Variants in PACSIN2 observed in about 807,000 individuals in gnomAD.
PACSIN2 encodes protein kinase C and casein kinase substrate in neurons 2.
In PACSIN2, 25 loss-of-function variants were observed where a neutral mutation model predicts 63.8. The observed-to-expected ratio is 0.39, with a 90% confidence interval of 0.29 to 0.55. The LOEUF (loss-of-function observed/expected upper bound fraction) is 0.55. Among genes scored for constraint, PACSIN2 ranks in the 20% least tolerant of loss-of-function variants. PACSIN2 has a pLI of 0.62. For missense variants in PACSIN2, 518 were observed against 646.9 expected (o/e 0.80, Z 2.16); for synonymous variants, 255 against 256.2 (o/e 1.00, Z 0.05).
chr22:42,905,773 T>C (rs1057020349), intron 2 of PACSIN2, among the ~76,000 whole-genome samples: 1 of 152,188 alleles, frequency 6.6e-6, no homozygotes, highest in African/African-American at 2.4e-5. Flanking sequence ...CTCCCTGCAG[T>C]GCTCCTGGTG....
chr22:42,920,707 G>C (rs1192908794), intron 1 of PACSIN2, among the ~76,000 whole-genome samples: 6 of 151,900 alleles, frequency 3.9e-5, no homozygotes, highest in African/African-American at 1.5e-4. Flanking sequence ...GACAGGCCTT[G>C]GCAGGGTAGG....
At chr22:42,965,434 GAGA>G (rs1188945535) in intron 1 of PACSIN2, among the ~76,000 whole-genome samples, 2 of 152,148 alleles carry the variant, frequency 1.3e-5, no homozygotes, top group Non-Finnish European at 2.9e-5. Context: ...AAGAAGGCGG[GAGA>G]AGGAGGGGAA....
At chr22:43,010,398 A>ATATATATATATATATATATATATATTTT in intron 1 of PACSIN2, among the ~76,000 whole-genome samples, 54 of 126,390 alleles carry the variant, frequency 4.3e-4, no homozygotes, top group Non-Finnish European at 5.5e-4. Context: ...ATATATATAT[A>ATATATATATATATATATATATATATTTT]TTTTTTTTTA....
At chr22:42,944,273 G>T (rs738392) in intron 1 of PACSIN2, among the ~76,000 whole-genome samples, 91,057 of 151,532 alleles carry the variant, frequency 0.6, 27,870 homozygotes, top group East Asian at 0.78. Flanking sequence ...TTTGTGTTAG[G>T]CTAAGTCTCT....
intron 1 of PACSIN2, among the ~76,000 whole-genome samples, chr22:42,930,533 A>G (rs372523168): frequency 2.2e-4 from 34 of 152,356 alleles, no homozygotes; most frequent in African/African-American, 7.9e-4. Flanking sequence ...AAGTTATTCA[A>G]TAAACTAATT....
chr22:42,929,972 T>C (rs1932752965), intron 1 of PACSIN2, among the ~76,000 whole-genome samples: 1 of 152,194 alleles, frequency 6.6e-6, no homozygotes, highest in African/African-American at 2.4e-5. Context: ...TGGAGGGCGG[T>C]CATCCAGGCA....
chr22:42,920,808 T>A (rs1442883843), intron 1 of PACSIN2, among the ~76,000 whole-genome samples: 1 of 141,360 alleles, frequency 7.1e-6, no homozygotes, highest in Non-Finnish European at 1.5e-5. Context: ...TTTTTTTTTT[T>A]TTTTTTTTTT....
At chr22:42,937,867 C>T (rs962372127) in intron 1 of PACSIN2, among the ~76,000 whole-genome samples, 5 of 152,194 alleles carry the variant, frequency 3.3e-5, no homozygotes, top group African/African-American at 7.2e-5. Context: ...CAGGGGGACC[C>T]TTCTCCTGGC....
chr22:42,916,184 G>A (rs985901254), intron 1 of PACSIN2, among the ~76,000 whole-genome samples: 2 of 152,326 alleles, frequency 1.3e-5, no homozygotes, highest in African/African-American at 4.8e-5. Flanking sequence ...GTCACAGGCC[G>A]TGGCACGGCC....
intron 1 of PACSIN2, among the ~76,000 whole-genome samples, chr22:42,962,584 G>A (rs902640080): frequency 1.3e-4 from 20 of 151,166 alleles, no homozygotes; most frequent in South Asian, 2.1e-4. Context: ...GGTGGAGGGT[G>A]AGGTCTGGGG....
At chr22:42,924,209 AC>A (rs1177704613) in intron 1 of PACSIN2, among the ~76,000 whole-genome samples, 1 of 152,080 alleles carries the variant, frequency 6.6e-6, no homozygotes, top group East Asian at 1.9e-4. Flanking sequence ...AAAGCCAAGG[AC>A]ATGACCAGAC....
intron 9 of PACSIN2, 65 bp from the exon 10 acceptor site, chr22:42,876,398 C>T (rs1446931049): frequency 7.0e-7 from 1 of 1,430,600 alleles, no homozygotes. Flanking sequence ...GGCCCCCGCC[C>T]CGCAAGGGGA....
intron 1 of PACSIN2, among the ~76,000 whole-genome samples, chr22:43,009,431 G>A (rs985926918): frequency 1.3e-5 from 2 of 152,264 alleles, no homozygotes; most frequent in African/African-American, 2.4e-5. Context: ...TATCACAGGT[G>A]AGAGGGAGCT....
At chr22:42,888,562 C>A in intron 5 of PACSIN2, 81 bp downstream of exon 5, 1 of 1,368,734 alleles carries the variant, frequency 7.3e-7, no homozygotes. Context: ...TTCACCCAAG[C>A]AGTTACAGAA....
At chr22:43,009,976 T>C (rs1174675184) in intron 1 of PACSIN2, among the ~76,000 whole-genome samples, 1 of 151,056 alleles carries the variant, frequency 6.6e-6, no homozygotes, top group African/African-American at 2.4e-5. Flanking sequence ...TTCTAGTGAT[T>C]CTCCTGCCTC....
rs376763673 is a variant in PACSIN2 at position 42,884,452 on chromosome 22, C to T, written c.719G>A (p.Arg240His). Reference sequence around the variant, plus strand: ...CAGAACCTCCCGGAAGAAGCGAAGGCGTTTCTCCTCGAACTGCTGGCACTG... The same window carrying T: ...CAGAACCTCCCGGAAGAAGCGAAGGTGTTTCTCCTCGAACTGCTGGCACTG... ...FEQCQQFEEKRLRFFREVLLE... is the reference protein window; with the variant it reads ...FEQCQQFEEKHLRFFREVLLE... Residue 240 changes from arginine (R) to histidine (H), a missense_variant, in exon 6 of 11, where the codon CGC (arginine) becomes CAC (histidine). Physicochemically the swap from Arg to His is conservative, Grantham distance 29. This residue lies in a region of PACSIN2 where 507 missense variants were observed against 612.3 expected (regional missense o/e 0.83). Transcript: ENST00000263246. 3.7e-6 allele frequency: 6 copies of T among 1,614,184 alleles called. No individual in the cohort carries two copies. The highest frequency in any genetic ancestry group is 1.1e-5 in the South Asian group (1 of 91,084).
At chr22:42,971,230 C>T (rs1025470558) in intron 1 of PACSIN2, among the ~76,000 whole-genome samples, 4 of 152,304 alleles carry the variant, frequency 2.6e-5, no homozygotes, top group South Asian at 4.1e-4. Context: ...GGATTGCAGG[C>T]GCGCGCCGCC....
At position 42,870,879 on chromosome 22, in the gene PACSIN2, A is replaced by G. The variant is rs936564285; in HGVS notation, c.*478T>C. Reference sequence around the variant, plus strand: ...ACTGGTGCGCATCAATCTGTGCCATAATTTAAGTAGAAATGAACAGGTGTA... The same window carrying G: ...ACTGGTGCGCATCAATCTGTGCCATGATTTAAGTAGAAATGAACAGGTGTA... On this transcript the variant is annotated 3_prime_UTR_variant, in exon 11 of 11. Coordinates refer to ENST00000263246, the MANE Select transcript of PACSIN2 (RefSeq NM_001184970.3). The G allele has an allele frequency of 1.2e-5, 2 of 164,928 alleles. No individual in the cohort carries two copies. The highest frequency in any genetic ancestry group is 3.3e-4 in the East Asian group (2 of 6,100). The allele number at this position is 164,928 out of a possible 1,614,324, so 10.2% of individuals were successfully genotyped here. A position where few individuals can be genotyped will look rare whatever the true frequency, so the allele number is the denominator to read the frequency against.
chr22:42,881,174 C>T (rs1929043716), intron 7 of PACSIN2, among the ~76,000 whole-genome samples: 1 of 152,180 alleles, frequency 6.6e-6, no homozygotes, highest in Non-Finnish European at 1.5e-5. Flanking sequence ...TGTTAAGGGC[C>T]ATAAAAGAAG....
Sources: allele counts gnomAD v4.1 joint callset (sites outside exome capture counted in the v4.1 genomes callset), GRCh38; gene constraint gnomAD v4.1.1; regional missense constraint gnomAD v4.1.1; transcripts MANE v1.5; gene names NCBI Gene and HGNC (gene_info 2026-07-23, HGNC 2026-07-21).